TGFB3: variants seen among roughly 807,000 people sequenced by gnomAD.
The protein encoded by TGFB3 is transforming growth factor beta-3 proprotein.
A neutral mutation model predicts 40.1 loss-of-function variants in TGFB3; 5 were observed. The ratio of observed to expected loss-of-function variants is 0.12; its 90% confidence interval spans 0.07 to 0.26. The LOEUF is 0.26. Ranked by LOEUF, TGFB3 falls within the 10% of genes least tolerant of loss-of-function variation. TGFB3 has a pLI of 1.00. For synonymous variants in TGFB3, 184 were observed against 205.6 expected (o/e 0.89, Z 0.90); for missense variants, 373 against 530.1 (o/e 0.70, Z 2.91).
intron 6 of TGFB3, among the ~76,000 whole-genome samples, chr14:75,960,103 C>T (rs539526391): frequency 1.6e-4 from 24 of 152,034 alleles, no homozygotes; most frequent in Admixed American, 7.2e-4. Context: ...CCACCACACC[C>T]GGCTAATTTT....
intron 3 of TGFB3, among the ~76,000 whole-genome samples, chr14:75,968,724 T>C (rs2035251469): frequency 1.3e-5 from 2 of 152,156 alleles, no homozygotes; most frequent in Admixed American, 6.5e-5. Flanking sequence ...AGGATGAAAT[T>C]CCTGGGTACC....
rs2035215086 is a variant in TGFB3 at position 75,965,840 on chromosome 14, A to C, written c.647-145T>G. 2.8e-5 allele frequency: 21 copies of C among 737,896 alleles called. No individual in the cohort carries two copies. The East Asian group carries it at 5.4e-4, about 19-fold the overall frequency. 45.7% of individuals were successfully genotyped at this position (737,896 alleles called of 1,614,324 possible). A position where few individuals can be genotyped will look rare whatever the true frequency, so the allele number is the denominator to read the frequency against. The stretch of plus-strand genomic sequence containing the variant: ...TCTATTGAGGGTCACAGGAGACAGA[A>C]AGTGCCTCCAGAGCTCAGAGTGGAC... On this transcript the variant is annotated intron_variant, in intron 3 of 6. Coordinates refer to ENST00000238682, the MANE Select transcript of TGFB3 (RefSeq NM_003239.5).
chr14:75,971,674 G>A lies in TGFB3; in HGVS notation c.397C>T (p.Arg133Cys), dbSNP rs1221353422. Reference sequence around the variant, plus strand: ...TTCTCCACTGAGGACACATTGAAGCGGAAAACCTTGGAGGTAATTCCTTTA... The same window carrying A: ...TTCTCCACTGAGGACACATTGAAGCAGAAAACCTTGGAGGTAATTCCTTTA... Reference protein sequence around the residue: ...CPKGITSKVFRFNVSSVEKNR... With the variant: ...CPKGITSKVFCFNVSSVEKNR... The change falls in exon 2 of 7, where the codon CGC becomes TGC. Residue 133 changes from arginine to cysteine, a missense_variant. Arg to Cys is a radical substitution (Grantham distance 180). Coordinates refer to ENST00000238682, the MANE Select transcript of TGFB3 (RefSeq NM_003239.5). This position sits in a 1 kb window ranked among gnomAD's most constrained non-coding sequence, Gnocchi z 4.5. The A allele has an allele frequency of 9.9e-6, 16 of 1,614,132 alleles. No homozygotes were observed. Among genetic ancestry groups the A allele is most frequent in the Non-Finnish European group, 1.2e-5 (14 of 1,180,054 alleles).
chr14:75,963,312 T>C lies in TGFB3; in HGVS notation c.926+4A>G. On this transcript the variant is annotated splice_donor_region_variant and intron_variant, in intron 5 of 6. Transcript: ENST00000238682. The stretch of plus-strand genomic sequence containing the variant: ...TGTTGGTTCCCATGTGGGCCCAGTC[T>C]CACCGGAAGCAGTAATTGGTGTCCA... 6.2e-7 allele frequency: 1 copy of C among 1,614,066 alleles called. No individual in the cohort carries two copies. Among genetic ancestry groups the C allele is most frequent in the Non-Finnish European group, 8.5e-7 (1 of 1,179,968 alleles).
At position 75,971,395 on chromosome 14, in the gene TGFB3, TC is replaced by T. The variant is rs2035289960; in HGVS notation, c.517-141del. 6.6e-7 allele frequency: 1 copy of T among 1,518,556 alleles called. No individual in the cohort carries two copies. Among genetic ancestry groups the T allele is most frequent in the Non-Finnish European group, 9.0e-7 (1 of 1,112,810 alleles). The allele number at this position is 1,518,556 out of a possible 1,614,324, so 94.1% of individuals were successfully genotyped here. A position where few individuals can be genotyped will look rare whatever the true frequency, so the allele number is the denominator to read the frequency against. ...ATGGCCCTCGAGCACCTTAGCTAAC[TC>T]TTAAGTGTTTTAATGACAGACACAG... is the stretch of plus-strand genomic sequence containing the variant. On this transcript the variant is annotated intron_variant, in intron 2 of 6. Transcript: ENST00000238682. This position sits in a 1 kb window ranked among gnomAD's most constrained non-coding sequence, Gnocchi z 4.5.
At chr14:75,970,873 C>T (rs751523708) in intron 3 of TGFB3, 1 of 465,228 alleles carries the variant, frequency 2.1e-6, no homozygotes, top group Non-Finnish European at 4.0e-6. Context: ...TTGGACTCCA[C>T]CCACTCATTG....
At chr14:75,968,479 C>T (rs982263445) in intron 3 of TGFB3, among the ~76,000 whole-genome samples, 4 of 152,198 alleles carry the variant, frequency 2.6e-5, no homozygotes, top group Non-Finnish European at 5.9e-5. Flanking sequence ...AAATCATTCT[C>T]AATGCAAACT....
At chr14:75,973,064 C>G (rs961180714) in intron 1 of TGFB3, among the ~76,000 whole-genome samples, 15 of 152,248 alleles carry the variant, frequency 9.9e-5, no homozygotes, top group African/African-American at 3.6e-4. Flanking sequence ...CCTGTCTTTT[C>G]TCTGCTCCTG....
intron 6 of TGFB3, chr14:75,960,476 G>A (rs527632962): frequency 4.7e-5 from 9 of 190,832 alleles, no homozygotes; most frequent in Admixed American, 3.8e-4. Context: ...GTGGACTCTC[G>A]GCTATCTCAC....
intron 1 of TGFB3, among the ~76,000 whole-genome samples, chr14:75,973,199 A>T (rs1040863545): frequency 1.3e-5 from 2 of 152,240 alleles, no homozygotes; most frequent in Non-Finnish European, 2.9e-5. Flanking sequence ...CATAATGGAC[A>T]TGGCTGGAAT....
chr14:75,979,123 A>G lies in TGFB3; in HGVS notation c.352+1419T>C, dbSNP rs1028528865. ...CATCGGCCTCCAGCCTCCGCCCCAC[A>G]TGGCAGCCACATCCTGAAGAAAGGC... On this transcript the variant is annotated intron_variant, in intron 1 of 6. Transcript: ENST00000238682. This position sits in a 1 kb window ranked among gnomAD's most constrained non-coding sequence, Gnocchi z 4.8. 7.9e-5 allele frequency among the ~76,000 whole-genome samples: 12 copies of G among 152,020 alleles called. No individual in the cohort carries two copies. The highest frequency in any genetic ancestry group is 4.4e-5 in the Non-Finnish European group (3 of 67,970).
intron 3 of TGFB3, chr14:75,966,145 A>G: frequency 3.8e-6 from 1 of 261,876 alleles, no homozygotes; most frequent in Non-Finnish European, 7.4e-6. Flanking sequence ...GGACTGGAAG[A>G]GACTACGGAC....
In TGFB3 at chr14:75,963,106, A is replaced by G. The variant is rs573607606; in HGVS notation, c.926+210T>C. ...ACTTCAGCCAGCTCCTTCCAGAGTT[A>G]GCCTATGGAAAAACAGTGGGACTCC... On this transcript the variant is annotated intron_variant, in intron 5 of 6. Transcript: ENST00000238682. 1.6e-4 allele frequency: 101 copies of G among 647,374 alleles called. 1 individual carries two copies. In the South Asian group the frequency reaches 1.8e-3, roughly 12 times the overall value. 40.1% of individuals were successfully genotyped at this position (647,374 alleles called of 1,614,324 possible). A position where few individuals can be genotyped will look rare whatever the true frequency, so the allele number is the denominator to read the frequency against.
chr14:75,980,406 C>T lies in TGFB3; in HGVS notation c.352+136G>A, dbSNP rs1375840443. The T allele has an allele frequency of 2.2e-5, 20 of 919,392 alleles. No individual in the cohort carries two copies. The highest frequency in any genetic ancestry group is 5.4e-5 in the South Asian group (4 of 74,352). 57.0% of individuals were successfully genotyped at this position (919,392 alleles called of 1,614,324 possible). A position where few individuals can be genotyped will look rare whatever the true frequency, so the allele number is the denominator to read the frequency against. On this transcript the variant is annotated intron_variant, in intron 1 of 6. Transcript: ENST00000238682. This position sits in a 1 kb window ranked among gnomAD's most constrained non-coding sequence, Gnocchi z 4.3. ...CTCCCCAGCCCCAACGGAGGAGCAT[C>T]GCACATCCTGAGCCTTGGTGCTGGT...
At chr14:75,961,919 AAGG>A (rs1260363944) in intron 5 of TGFB3, among the ~76,000 whole-genome samples, 6 of 152,326 alleles carry the variant, frequency 3.9e-5, no homozygotes, top group Non-Finnish European at 7.3e-5. Context: ...CCCATCAGAC[AAGG>A]AGAAGTATGC....
rs187260727 is a variant in TGFB3 at position 75,959,643 on chromosome 14, C to T, written c.1081-298G>A. Reference sequence around the variant, plus strand: ...AAAATTAGCTGGCTGTGGTGGCAGGCGCCTGTAATCCCAGCTACTTGGGAG... The same window carrying T: ...AAAATTAGCTGGCTGTGGTGGCAGGTGCCTGTAATCCCAGCTACTTGGGAG... On this transcript the variant is annotated intron_variant, in intron 6 of 6. Transcript: ENST00000238682. 2.6e-4 allele frequency among the ~76,000 whole-genome samples: 40 copies of T among 151,954 alleles called. No homozygotes were observed. The East Asian group carries it at 6.2e-3, about 24-fold the overall frequency.
intron 4 of TGFB3, among the ~76,000 whole-genome samples, chr14:75,964,327 G>A (rs1258307587): frequency 6.6e-6 from 1 of 152,184 alleles, no homozygotes; most frequent in African/African-American, 2.4e-5. Flanking sequence ...AAACAAGACT[G>A]TATAATTGTT....
rs1453367779 is a variant in TGFB3, at chr14:75,981,879, C to T, written c.-986G>A. 1.3e-5 allele frequency: 2 copies of T among 152,494 alleles called. No homozygotes were observed. Among genetic ancestry groups the T allele is most frequent in the Non-Finnish European group, 2.9e-5 (2 of 68,216 alleles). The allele number at this position is 152,494 out of a possible 1,614,324, so 9.4% of individuals were successfully genotyped here. On this transcript the variant is annotated 5_prime_UTR_variant, in exon 1 of 7. Coordinates refer to ENST00000238682, the MANE Select transcript of TGFB3 (RefSeq NM_003239.5). The surrounding 1 kb of genome is among the most constrained non-coding windows in gnomAD (Gnocchi z 4.7). ...CCTCTTCCCCTGTCTCTGCCTCTCTCGCTCATTCCCTTGGACTTGACTCTC... is the reference window on the plus strand; with the variant it reads ...CCTCTTCCCCTGTCTCTGCCTCTCTTGCTCATTCCCTTGGACTTGACTCTC...
At chr14:75,963,197 G>T in intron 5 of TGFB3, 119 bp downstream of exon 5, 3 of 1,105,064 alleles carry the variant, frequency 2.7e-6, no homozygotes, top group Non-Finnish European at 4.2e-6. Context: ...TCTTCCTGGA[G>T]ATGTTTGTGA....
Sources: allele counts gnomAD v4.1 joint callset (sites outside exome capture counted in the v4.1 genomes callset), GRCh38; gene constraint gnomAD v4.1.1; non-coding constraint Gnocchi (gnomAD v3.1); transcripts MANE v1.5; gene names NCBI Gene and HGNC (gene_info 2026-07-23, HGNC 2026-07-21).